GPRIN3: variants seen among roughly 807,000 people sequenced by gnomAD.
The protein encoded by GPRIN3 is GPRIN family member 3.
A neutral mutation model predicts 13.7 loss-of-function variants in GPRIN3; 12 were observed. The observed-to-expected ratio is 0.87, with a 90% confidence interval of 0.56 to 1.42. GPRIN3 has a LOEUF of 1.42. Ranked by LOEUF, GPRIN3 falls within the 40% of genes most tolerant of loss-of-function variation. The probability of loss-of-function intolerance (pLI) is 0.00; values close to 1 mark genes in which losing one functional copy is unlikely to be tolerated. For synonymous variants in GPRIN3, 377 were observed against 372.7 expected, an observed-to-expected ratio of 1.01 and a Z score of -0.13; for missense variants, 1,009 against 958.7, an observed-to-expected ratio of 1.05 and a Z score of -0.69.
intron 1 of GPRIN3, among the ~76,000 whole-genome samples, chr4:89,305,923 C>T (rs1007030292): frequency 2.0e-5 from 3 of 152,154 alleles, no homozygotes; most frequent in African/African-American, 7.2e-5. Flanking sequence ...TAATCATTTT[C>T]GTAGAAGTCT....
intron 1 of GPRIN3, among the ~76,000 whole-genome samples, chr4:89,275,901 A>G (rs772115472): frequency 6.6e-6 from 1 of 152,174 alleles, no homozygotes; most frequent in Non-Finnish European, 1.5e-5. Flanking sequence ...ACTCACCTTA[A>G]TGGGGGTCAG....
chr4:89,249,747 T>A lies in GPRIN3; in HGVS notation c.364A>T (p.Ile122Leu), dbSNP rs1452947884. The change falls in exon 2 of 2, where the codon ATA becomes TTA. Residue 122 changes from isoleucine to leucine, a missense_variant. Transcript: ENST00000609438. ...APSSAAGRDL[I>L]HTPLTMPANQ... ...GCGGGCATTGTCAATGGTGTGTGTA[T>A]AAGATCCCTTCCTGCTGCAGAACTC... The A allele has an allele frequency of 5.6e-6, 9 of 1,614,146 alleles. No individual in the cohort carries two copies. Among genetic ancestry groups the A allele is most frequent in the Non-Finnish European group, 7.6e-6 (9 of 1,180,012 alleles).
chr4:89,276,675 CTA>C (rs1724102417), intron 1 of GPRIN3, among the ~76,000 whole-genome samples: 1 of 152,208 alleles, frequency 6.6e-6, no homozygotes. Flanking sequence ...AAGCTAGAGA[CTA>C]TTATTCTTGT....
chr4:89,266,589 A>G (rs977236711), intron 1 of GPRIN3, among the ~76,000 whole-genome samples: 2 of 152,250 alleles, frequency 1.3e-5, no homozygotes, highest in African/African-American at 2.4e-5. Flanking sequence ...TTGCTATTGC[A>G]TTAAGGGTGA....
At chr4:89,277,451 C>T (rs148819037) in intron 1 of GPRIN3, among the ~76,000 whole-genome samples, 310 of 152,270 alleles carry the variant, frequency 2.0e-3, no homozygotes, top group Non-Finnish European at 2.6e-3. Context: ...ACCCTCGTTC[C>T]GCCCACCAGG....
intron 1 of GPRIN3, among the ~76,000 whole-genome samples, chr4:89,263,735 G>A (rs955448329): frequency 4.6e-5 from 7 of 152,118 alleles, no homozygotes; most frequent in Admixed American, 4.6e-4. Context: ...CTGAAAACAA[G>A]CTTCAAAAAA....
chr4:89,248,778 G>T lies in GPRIN3; in HGVS notation c.1333C>A (p.Pro445Thr). The T allele has an allele frequency of 6.2e-7, 1 of 1,614,178 alleles. No individual in the cohort carries two copies. The highest frequency in any genetic ancestry group is 8.5e-7 in the Non-Finnish European group (1 of 1,180,032). ...KEDGRLAGMTPVREESTAKKL... is the reference protein window; with the variant it reads ...KEDGRLAGMTTVREESTAKKL... ...TTAGCAGTTGACTCTTCCCTCACTG[G>T]AGTCATTCCTGCTAACCTCCCATCT... The change falls in exon 2 of 2, where the codon CCA becomes ACA. Residue 445 changes from proline (P) to threonine (T), a missense_variant. By Grantham distance (38) the Pro-to-Thr change is conservative (BLOSUM62 -1). Coordinates refer to ENST00000609438, the MANE Select transcript of GPRIN3 (RefSeq NM_198281.3).
chr4:89,250,342 C>A, intron 1 of GPRIN3, 109 bp from the exon 2 acceptor site: 1 of 570,392 alleles, frequency 1.8e-6, no homozygotes, highest in Non-Finnish European at 2.7e-6. Flanking sequence ...TCTTCCCATA[C>A]CTGTTGATAT....
At chr4:89,276,957 T>A (rs1159908238) in intron 1 of GPRIN3, among the ~76,000 whole-genome samples, 4 of 152,206 alleles carry the variant, frequency 2.6e-5, no homozygotes, top group African/African-American at 9.7e-5. Context: ...AATATGCTGG[T>A]TTAGGCGGAC....
intron 1 of GPRIN3, among the ~76,000 whole-genome samples, chr4:89,259,601 A>G (rs1369483626): frequency 6.6e-6 from 1 of 152,258 alleles, no homozygotes; most frequent in Non-Finnish European, 1.5e-5. Context: ...TAGCACCAGT[A>G]AAGTGCCACT....
intron 1 of GPRIN3, among the ~76,000 whole-genome samples, chr4:89,277,008 T>C (rs1441800771): frequency 1.3e-5 from 2 of 152,130 alleles, no homozygotes; most frequent in Non-Finnish European, 2.9e-5. Flanking sequence ...AATTTTAATG[T>C]CTTTTTTTTT....
intron 1 of GPRIN3, among the ~76,000 whole-genome samples, chr4:89,267,280 G>A (rs1230734353): frequency 6.6e-6 from 1 of 152,162 alleles, no homozygotes. Context: ...TGAGAAGGGT[G>A]TTCCTCTCTG....
At chr4:89,254,768 T>C (rs1442822698) in intron 1 of GPRIN3, among the ~76,000 whole-genome samples, 1 of 152,182 alleles carries the variant, frequency 6.6e-6, no homozygotes, top group East Asian at 1.9e-4. Context: ...GGTTGAATGG[T>C]AGTTCTGTTT....
rs1042230837 is a variant in GPRIN3 at position 89,242,407 on chromosome 4, C to T, written c.*5373G>A. ...GCTAGTGTCCAGAAAGAGTAATTAC[C>T]ATAAGTTTAAAGTCTCCATTTCAAC... On this transcript the variant is annotated 3_prime_UTR_variant, in exon 2 of 2. Transcript: ENST00000609438. 2.0e-5 allele frequency: 3 copies of T among 152,106 alleles called. No homozygotes were observed. In the South Asian group the frequency reaches 6.2e-4, roughly 32 times the overall value. 9.4% of individuals were successfully genotyped at this position (152,106 alleles called of 1,614,324 possible).
chr4:89,249,393 T>C lies in GPRIN3; in HGVS notation c.718A>G (p.Arg240Gly), dbSNP rs760707593. Residue 240 changes from arginine (R) to glycine (G), a missense_variant, in exon 2 of 2, where the codon AGA becomes GGA. Physicochemically the swap from Arg to Gly is moderately radical, Grantham distance 125 (BLOSUM62 -2). Transcript: ENST00000609438. Reference sequence around the variant, plus strand: ...TTGTTCTCTGAACATCCAGATTCTCTAGTTAGAGGTTTACAGGACCTCATT... The same window carrying C: ...TTGTTCTCTGAACATCCAGATTCTCCAGTTAGAGGTTTACAGGACCTCATT... ...SEMRSCKPLT[R>G]ESGCSENKQP... is the part of the protein sequence containing the mutation. 2 of 1,614,124 alleles carry C rather than the reference T, an allele frequency of 1.2e-6. No homozygotes were observed. Among genetic ancestry groups the C allele is most frequent in the South Asian group, 2.2e-5 (2 of 91,078 alleles).
chr4:89,289,490 G>T (rs1326060735), intron 1 of GPRIN3, among the ~76,000 whole-genome samples: 1 of 152,056 alleles, frequency 6.6e-6, no homozygotes, highest in Non-Finnish European at 1.5e-5. Flanking sequence ...TCCAAGAGCC[G>T]AGACTCAAAT....
intron 1 of GPRIN3, among the ~76,000 whole-genome samples, chr4:89,254,329 A>G (rs908381487): frequency 6.6e-6 from 1 of 151,924 alleles, no homozygotes; most frequent in Admixed American, 6.6e-5. Context: ...TTCATCACCC[A>G]GTTATTAAGC....
intron 1 of GPRIN3, among the ~76,000 whole-genome samples, chr4:89,298,212 C>T (rs144899748): frequency 5.8e-4 from 88 of 152,252 alleles, no homozygotes; most frequent in African/African-American, 1.9e-3. Context: ...GTTTTTGTCA[C>T]TTCTGCTACC....
In GPRIN3 at chr4:89,239,951, C is replaced by T. The variant is rs1012595806; in HGVS notation, c.*7829G>A. 6.6e-6 allele frequency: 1 copy of T among 152,180 alleles called. No homozygotes were observed. Among genetic ancestry groups the T allele is most frequent in the African/African-American group, 2.4e-5 (1 of 41,452 alleles). The allele number at this position is 152,180 out of a possible 1,614,324, so 9.4% of individuals were successfully genotyped here. On this transcript the variant is annotated 3_prime_UTR_variant, in exon 2 of 2. Transcript: ENST00000609438. ...TGCTGGGATTGCAGGTGTGAGCCAC[C>T]ACGCCCAGCCTCCATGCATATTTTC...
Sources: allele counts gnomAD v4.1 joint callset (sites outside exome capture counted in the v4.1 genomes callset), GRCh38; gene constraint gnomAD v4.1.1; transcripts MANE v1.5; gene names NCBI Gene and HGNC (gene_info 2026-07-23, HGNC 2026-07-21).